The following FAM227B variants were observed in gnomAD, a reference collection of about 807,000 sequenced individuals.
The protein encoded by FAM227B is protein FAM227B.
A neutral mutation model predicts 73.8 loss-of-function variants in FAM227B; 88 were observed. The observed-to-expected ratio is 1.19, with a 90% CI of 1.00 to 1.42. FAM227B has a LOEUF of 1.42. Among genes scored for constraint, FAM227B ranks in the 40% most tolerant of loss-of-function variants. FAM227B has a pLI of 0.00. For missense variants in FAM227B, 632 were observed against 590.9 expected (o/e 1.07, Z -0.72); for synonymous variants, 210 against 190.5 (o/e 1.10, Z -0.84).
intron 11 of FAM227B, among the ~76,000 whole-genome samples, chr15:49,435,019 CAAT>C (rs2050969002): frequency 6.6e-6 from 1 of 150,476 alleles, no homozygotes; most frequent in Non-Finnish European, 1.5e-5. Flanking sequence ...TATTTTACAA[CAAT>C]AAAAATACAT....
At chr15:49,524,750 T>C (rs540424954) in intron 10 of FAM227B, among the ~76,000 whole-genome samples, 3 of 152,212 alleles carry the variant, frequency 2.0e-5, no homozygotes, top group Non-Finnish European at 4.4e-5. Flanking sequence ...CCCAAGCCTG[T>C]GGAAGTCCAC....
intron 11 of FAM227B, chr15:49,422,752 T>C: frequency 7.5e-7 from 1 of 1,331,752 alleles, no homozygotes; most frequent in South Asian, 1.3e-5. Context: ...CTTATATTCA[T>C]ATTCAATGAA....
chr15:49,467,070 C>G (rs997725999), intron 11 of FAM227B, among the ~76,000 whole-genome samples: 1 of 151,980 alleles, frequency 6.6e-6, no homozygotes, highest in Non-Finnish European at 1.5e-5. Context: ...CATTTAGACA[C>G]AAGTTAAAGA....
intron 11 of FAM227B, among the ~76,000 whole-genome samples, chr15:49,496,659 A>C (rs1184821340): frequency 6.6e-6 from 1 of 152,224 alleles, no homozygotes; most frequent in Non-Finnish European, 1.5e-5. Context: ...AAAACAAAAC[A>C]GAAAGTCCTC....
At chr15:49,581,592 C>T (rs1353414187) in intron 5 of FAM227B, among the ~76,000 whole-genome samples, 1 of 152,120 alleles carries the variant, frequency 6.6e-6, no homozygotes, top group African/African-American at 2.4e-5. Context: ...TGCTGGATTA[C>T]AGGCGTGAGC....
At chr15:49,515,071 A>C (rs1040482237) in intron 10 of FAM227B, among the ~76,000 whole-genome samples, 1 of 152,106 alleles carries the variant, frequency 6.6e-6, no homozygotes, top group African/African-American at 2.4e-5. Context: ...TTTATAATAT[A>C]TTCTCTCTTT....
chr15:49,371,385 T>TA lies in FAM227B; in HGVS notation c.1026dup (p.Ile343TyrfsTer32). The TA allele has an allele frequency of 1.9e-6, 3 of 1,565,014 alleles. No homozygotes were observed. In the Middle Eastern group the frequency reaches 5.1e-4, roughly 265 times the overall value. On this transcript the variant is annotated frameshift_variant, in exon 12 of 16. Transcript: ENST00000299338. LOFTEE classifies it high-confidence loss of function. The stretch of plus-strand genomic sequence containing the variant: ...CTTGGGTTGTTCAGAATCTTTATAA[T>TA]ATTGAAGTCGATACCTAAAACAGAA...
intron 9 of FAM227B, among the ~76,000 whole-genome samples, chr15:49,555,649 C>T (rs1310183793): frequency 2.0e-5 from 3 of 152,180 alleles, no homozygotes; most frequent in Non-Finnish European, 2.9e-5. Context: ...TTCCATGCTG[C>T]TTGCTTTCTC....
chr15:49,353,822 T>G (rs1274802970), intron 13 of FAM227B: 1 of 152,174 alleles, frequency 6.6e-6, no homozygotes, highest in Non-Finnish European at 1.5e-5. Flanking sequence ...TTTATCCTTT[T>G]AAAAATGTGA....
intron 5 of FAM227B, among the ~76,000 whole-genome samples, chr15:49,587,769 AT>A (rs1359386923): frequency 6.6e-6 from 1 of 152,088 alleles, no homozygotes; most frequent in East Asian, 1.9e-4. Flanking sequence ...TAACCAAAAA[AT>A]GTAATAGTAT....
At chr15:49,424,603 G>T (rs1204727154) in intron 11 of FAM227B, 4 of 1,525,368 alleles carry the variant, frequency 2.6e-6, no homozygotes, top group African/African-American at 2.8e-5. Context: ...TTTAAGTACT[G>T]CTCATGAACC....
intron 10 of FAM227B, among the ~76,000 whole-genome samples, chr15:49,511,056 T>C (rs2058962078): frequency 6.6e-6 from 1 of 151,742 alleles, no homozygotes; most frequent in African/African-American, 2.4e-5. Context: ...TCCTAAGCAC[T>C]AGATAACCTC....
chr15:49,337,363 G>A lies in FAM227B; in HGVS notation c.1272-1867C>T, dbSNP rs941105114. Among the ~76,000 whole-genome samples the A allele has an allele frequency of 2.0e-5, 3 of 151,822 alleles. No homozygotes were observed. In the East Asian group the frequency reaches 5.8e-4, roughly 29 times the overall value. On this transcript the variant is annotated intron_variant, in intron 13 of 15. Coordinates refer to ENST00000299338, the MANE Select transcript of FAM227B (RefSeq NM_152647.3). ...GCCCCATCAGCATCTATTGTTTTTT[G>A]ACTTTTTAATAATAGTCATCCTGAC...
chr15:49,407,623 A>C (rs1412054034), intron 11 of FAM227B, among the ~76,000 whole-genome samples: 1 of 148,282 alleles, frequency 6.7e-6, no homozygotes, highest in East Asian at 1.9e-4. Flanking sequence ...TCGTACTAAT[A>C]TATATGTATT....
intron 11 of FAM227B, among the ~76,000 whole-genome samples, chr15:49,456,419 G>A (rs1203703014): frequency 2.6e-5 from 4 of 152,058 alleles, no homozygotes; most frequent in Non-Finnish European, 5.9e-5. Flanking sequence ...GGTTAAGGAA[G>A]GTTAATGTAA....
intron 11 of FAM227B, among the ~76,000 whole-genome samples, chr15:49,476,239 T>TTTTTTTTTTTTC: frequency 6.7e-6 from 1 of 149,344 alleles, no homozygotes; most frequent in Non-Finnish European, 1.5e-5. Context: ...TTGGTTTTTT[T>TTTTTTTTTTTTC]TTTTTTGCAT....
At chr15:49,485,268 T>A (rs1245457704) in intron 11 of FAM227B, 1 of 152,338 alleles carries the variant, frequency 6.6e-6, no homozygotes, top group Non-Finnish European at 1.5e-5. Context: ...TAACATTTTA[T>A]AAATCCTCAA....
chr15:49,535,227 A>G (rs72729170), intron 10 of FAM227B, among the ~76,000 whole-genome samples: 8,256 of 151,800 alleles, frequency 0.054, 324 homozygotes, highest in East Asian at 0.13. Context: ...ATACAATAAA[A>G]AGGAAAGTGG....
intron 11 of FAM227B, among the ~76,000 whole-genome samples, chr15:49,478,499 TCAA>T (rs1412750907): frequency 1.3e-5 from 2 of 152,132 alleles, no homozygotes; most frequent in Non-Finnish European, 2.9e-5. Flanking sequence ...GATTTCCCAC[TCAA>T]CAATCCAGGC....
Sources: gnomAD v4.1 joint callset for allele counts (sites outside exome capture counted in the v4.1 genomes callset) on GRCh38, gnomAD v4.1.1 for gene constraint, MANE v1.5 for transcripts, NCBI Gene and HGNC (gene_info 2026-07-23, HGNC 2026-07-21) for gene names.